STX18: variants seen among roughly 807,000 people sequenced by gnomAD.
The protein encoded by STX18 is syntaxin 18.
STX18 carries 40 observed loss-of-function variants against 50.1 expected under a neutral mutation model. That is an observed-to-expected ratio of 0.80 (90% CI 0.62 to 1.04). STX18 has a LOEUF of 1.04. Among genes scored for constraint, STX18 ranks in the 50% least tolerant of loss-of-function variants. The pLI is 0.00. For missense variants in STX18, 410 were observed against 415.8 expected, an observed-to-expected ratio of 0.99 and a Z score of 0.12; for synonymous variants, 158 against 151.8, an observed-to-expected ratio of 1.04 and a Z score of -0.30.
chr4:4,480,078 G>C (rs770514012), intron 1 of STX18, among the ~76,000 whole-genome samples: 1 of 152,210 alleles, frequency 6.6e-6, no homozygotes, highest in African/African-American at 2.4e-5. Flanking sequence ...TGCACACCTA[G>C]AGCTGTATAC....
At chr4:4,437,616 A>G in intron 6 of STX18, 1 of 985,376 alleles carries the variant, frequency 1.0e-6, no homozygotes, top group Non-Finnish European at 1.2e-6. Context: ...CATGCCTAGC[A>G]TCTGGAAGAC....
At chr4:4,446,370 AAAAT>A (rs1378038127) in intron 5 of STX18, among the ~76,000 whole-genome samples, 19 of 152,268 alleles carry the variant, frequency 1.2e-4, no homozygotes, top group African/African-American at 4.3e-4. Flanking sequence ...CACCATTAAG[AAAAT>A]AAATAAACCA....
intron 7 of STX18, among the ~76,000 whole-genome samples, chr4:4,433,954 G>A (rs1278474018): frequency 6.6e-6 from 1 of 152,202 alleles, no homozygotes; most frequent in Non-Finnish European, 1.5e-5. Flanking sequence ...TTTTGCCAAT[G>A]TTAAAATGAG....
intron 1 of STX18, among the ~76,000 whole-genome samples, chr4:4,499,228 T>C (rs1330627083): frequency 2.0e-5 from 3 of 152,228 alleles, no homozygotes; most frequent in Non-Finnish European, 4.4e-5. Context: ...CCTTGTGGAA[T>C]GGAAAGCCAT....
At chr4:4,442,561 T>C (rs1184454984) in intron 5 of STX18, among the ~76,000 whole-genome samples, 1 of 151,828 alleles carries the variant, frequency 6.6e-6, no homozygotes, top group African/African-American at 2.4e-5. Flanking sequence ...AGGTTTGCAG[T>C]GAGCCGAGAT....
intron 5 of STX18, among the ~76,000 whole-genome samples, chr4:4,450,636 T>C (rs906751313): frequency 3.9e-5 from 6 of 152,164 alleles, no homozygotes; most frequent in Admixed American, 3.9e-4. Context: ...TCTATTCTCC[T>C]AAATGTAACC....
At chr4:4,515,129 C>G (rs189699335) in intron 1 of STX18, among the ~76,000 whole-genome samples, 2 of 152,082 alleles carry the variant, frequency 1.3e-5, no homozygotes, top group Admixed American at 1.3e-4. Flanking sequence ...TGACAAAGTC[C>G]TTAAAAGTTC....
rs1729340862 is a variant in STX18 at position 4,499,587 on chromosome 4, C to G, written c.169-27881G>C. On this transcript the variant is annotated intron_variant, in intron 1 of 10. Transcript: ENST00000306200. ...TTTCAGATTCATAGGTATTCACTGA[C>G]TGGCTTCTACACAAACATTCATTAT... 4.2e-6 allele frequency: 4 copies of G among 942,418 alleles called. No individual in the cohort carries two copies. The African/African-American group carries it at 7.1e-5, about 17-fold the overall frequency. The allele number at this position is 942,418 out of a possible 1,614,324, so 58.4% of individuals were successfully genotyped here.
In STX18 at chr4:4,471,759, A is replaced by G. The variant is rs550948678; in HGVS notation, c.169-53T>C. The G allele has an allele frequency of 1.1e-5, 14 of 1,254,038 alleles. No individual in the cohort carries two copies. In the African/African-American group the frequency reaches 1.2e-4, roughly 11 times the overall value. 77.7% of individuals were successfully genotyped at this position (1,254,038 alleles called of 1,614,324 possible). A position where few individuals can be genotyped will look rare whatever the true frequency, so the allele number is the denominator to read the frequency against. ...TTATATAGATATGTTACACTCATGT[A>G]ATGAATTTTAAATTAATAGAGAATA... On this transcript the variant is annotated intron_variant, in intron 1 of 10. Coordinates refer to ENST00000306200, the MANE Select transcript of STX18 (RefSeq NM_016930.4).
At chr4:4,452,417 G>A (rs1286478159) in intron 5 of STX18, among the ~76,000 whole-genome samples, 1 of 152,212 alleles carries the variant, frequency 6.6e-6, no homozygotes, top group African/African-American at 2.4e-5. Flanking sequence ...ATGCCATTTA[G>A]GACTTCCATA....
chr4:4,517,459 A>G lies in STX18; in HGVS notation c.168+24338T>C, dbSNP rs142343162. On this transcript the variant is annotated intron_variant, in intron 1 of 10. Coordinates refer to ENST00000306200, the MANE Select transcript of STX18 (RefSeq NM_016930.4). ...AAGGAAAAGGGGAATTTACAGTCACATAATTAAAACCTAAGTTGACATTCT... is the reference window on the plus strand; with the variant it reads ...AAGGAAAAGGGGAATTTACAGTCACGTAATTAAAACCTAAGTTGACATTCT... Among the ~76,000 whole-genome samples the G allele has an allele frequency of 5.5e-3, 843 of 152,374 alleles. 9 individuals are homozygous for G. Among genetic ancestry groups the G allele is most frequent in the African/African-American group, 0.018 (768 of 41,584 alleles).
At chr4:4,428,024 A>G (rs1281439918) in intron 7 of STX18, among the ~76,000 whole-genome samples, 1 of 152,224 alleles carries the variant, frequency 6.6e-6, no homozygotes, top group Admixed American at 6.5e-5. Flanking sequence ...GGTCACTATT[A>G]CTTAAGGAGG....
chr4:4,452,563 G>A (rs1726815099), intron 5 of STX18, among the ~76,000 whole-genome samples: 1 of 152,202 alleles, frequency 6.6e-6, no homozygotes, highest in Non-Finnish European at 1.5e-5. Context: ...TGGGCATGGT[G>A]GCACATGCCT....
chr4:4,437,644 G>T lies in STX18; in HGVS notation c.613+750C>A, dbSNP rs925008844. The T allele has an allele frequency of 5.1e-6, 5 of 984,982 alleles. No homozygotes were observed. In the African/African-American group the frequency reaches 8.7e-5, roughly 17 times the overall value. 61.0% of individuals were successfully genotyped at this position (984,982 alleles called of 1,614,324 possible). On this transcript the variant is annotated intron_variant, in intron 6 of 10. Coordinates refer to ENST00000306200, the MANE Select transcript of STX18 (RefSeq NM_016930.4). ...TGGAAGACAAGAGTTAATAAGAACTGCCATGAGACTACGGAGAAGGATGCT... is the reference window on the plus strand; with the variant it reads ...TGGAAGACAAGAGTTAATAAGAACTTCCATGAGACTACGGAGAAGGATGCT...
chr4:4,520,841 T>C (rs1730474089), intron 1 of STX18, among the ~76,000 whole-genome samples: 1 of 152,220 alleles, frequency 6.6e-6, no homozygotes, highest in Non-Finnish European at 1.5e-5. Context: ...CAAAGACTCC[T>C]GCCTAGTGAA....
At chr4:4,535,749 T>A (rs1731302822) in intron 1 of STX18, among the ~76,000 whole-genome samples, 1 of 152,226 alleles carries the variant, frequency 6.6e-6, no homozygotes, top group African/African-American at 2.4e-5. Context: ...TGTTTCCCAA[T>A]CCTACTTCTG....
At chr4:4,511,965 G>GTA (rs1397468136) in intron 1 of STX18, among the ~76,000 whole-genome samples, 2 of 152,042 alleles carry the variant, frequency 1.3e-5, no homozygotes, top group Non-Finnish European at 2.9e-5. Flanking sequence ...TGGGAGAGCT[G>GTA]TACATTGTAG....
At chr4:4,507,665 G>C in intron 1 of STX18, 1 of 800,240 alleles carries the variant, frequency 1.2e-6, no homozygotes, top group South Asian at 1.3e-5. Context: ...GCTCATAAAG[G>C]TTCGTTTGGA....
intron 8 of STX18, among the ~76,000 whole-genome samples, chr4:4,424,635 C>T (rs1312799176): frequency 1.3e-5 from 2 of 152,198 alleles, no homozygotes; most frequent in Non-Finnish European, 2.9e-5. Flanking sequence ...ACAGGCTCTG[C>T]AAAGTCCTGG....
Sources: allele counts gnomAD v4.1 joint callset (sites outside exome capture counted in the v4.1 genomes callset), GRCh38; gene constraint gnomAD v4.1.1; transcripts MANE v1.5; gene names NCBI Gene and HGNC (gene_info 2026-07-23, HGNC 2026-07-21).